TRPC7: variants seen among roughly 807,000 people sequenced by gnomAD.
The protein encoded by TRPC7 is short transient receptor potential channel 7.
Under a neutral mutation model 90.1 loss-of-function variants are expected in TRPC7, and 42 were observed. The ratio of observed to expected loss-of-function variants is 0.47; its 90% confidence interval spans 0.36 to 0.60. The LOEUF is 0.60. Among genes scored for constraint, TRPC7 ranks in the 20% least tolerant of loss-of-function variants. The pLI, the probability that TRPC7 is intolerant of heterozygous loss-of-function variation, is 0.00. For missense variants in TRPC7, 955 were observed against 1,112.3 expected (o/e 0.86, Z 2.01); for synonymous variants, 451 against 436.3 (o/e 1.03, Z -0.42).
chr5:136,322,217 G>A (rs1015094789), intron 2 of TRPC7, among the ~76,000 whole-genome samples: 1 of 152,102 alleles, frequency 6.6e-6, no homozygotes, highest in African/African-American at 2.4e-5. Flanking sequence ...GTTTCACCAT[G>A]TTGGTCAGGC....
intron 2 of TRPC7, among the ~76,000 whole-genome samples, chr5:136,325,429 C>T (rs1284564304): frequency 1.3e-5 from 2 of 152,174 alleles, no homozygotes; most frequent in Non-Finnish European, 2.9e-5. Flanking sequence ...TCCCTCTCTC[C>T]TTCCTTCCTC....
rs1756367884 is a variant in TRPC7 at position 136,247,208 on chromosome 5, A to T, written c.1844+263T>A. Among the ~76,000 whole-genome samples, 1 of 146,922 alleles carries T rather than the reference A, an allele frequency of 6.8e-6. No homozygotes were observed. The highest frequency in any genetic ancestry group is 2.5e-5 in the African/African-American group (1 of 39,218). On this transcript the variant is annotated intron_variant, in intron 7 of 11. Coordinates refer to ENST00000513104, the MANE Select transcript of TRPC7 (RefSeq NM_020389.3). This position sits in a 1 kb window ranked among gnomAD's most constrained non-coding sequence, Gnocchi z 4.2. ...GAGAATGTCAAATCCTAGAAAACGT[A>T]GCATTCCTACATGTGATTTTTTTTT... is the stretch of plus-strand genomic sequence containing the variant.
intron 2 of TRPC7, among the ~76,000 whole-genome samples, chr5:136,349,126 A>C (rs1760105953): frequency 8.5e-6 from 1 of 117,288 alleles, no homozygotes; most frequent in African/African-American, 2.8e-5. Flanking sequence ...CTGCCTGCCC[A>C]TTTCCTCCTC....
At chr5:136,290,745 C>A (rs1218905459) in intron 3 of TRPC7, among the ~76,000 whole-genome samples, 4 of 152,128 alleles carry the variant, frequency 2.6e-5, no homozygotes, top group South Asian at 4.1e-4. Flanking sequence ...GAACTTCCCC[C>A]ATCTAGCAAG....
At chr5:136,246,521 G>T (rs945436082) in intron 7 of TRPC7, among the ~76,000 whole-genome samples, 1 of 152,124 alleles carries the variant, frequency 6.6e-6, no homozygotes, top group Non-Finnish European at 1.5e-5. Context: ...CCCTGGAGAG[G>T]TCCATCATGC....
rs750058935 is a variant in TRPC7 at position 136,213,459 on chromosome 5, C to G, written c.2565G>C (p.Arg855Ser). The change falls in exon 12 of 12, where the codon AGG becomes AGC. Residue 855 changes from arginine (R) to serine (S), a missense_variant. Transcript: ENST00000513104. The stretch of plus-strand genomic sequence containing the variant: ...GCTAAATGTCTTTGCCCTTGTTCAC[C>G]CTCAGGTGGTCTTTGTTTAAGTTCT... ...FGKNLNKDHL[R>S]VNKGKDI 1 of 1,613,992 alleles carries G rather than the reference C, an allele frequency of 6.2e-7. No individual in the cohort carries two copies. The highest frequency in any genetic ancestry group is 8.5e-7 in the Non-Finnish European group (1 of 1,179,900).
intron 3 of TRPC7, among the ~76,000 whole-genome samples, chr5:136,307,340 TC>T (rs1287604524): frequency 6.6e-6 from 1 of 152,152 alleles, no homozygotes; most frequent in Non-Finnish European, 1.5e-5. Context: ...ACTCTCTACT[TC>T]CATGAGTTCA....
chr5:136,339,708 C>T (rs1486103064), intron 2 of TRPC7, among the ~76,000 whole-genome samples: 1 of 152,052 alleles, frequency 6.6e-6, no homozygotes, highest in Admixed American at 6.6e-5. Context: ...ATCAGCAGTA[C>T]CCATTCTCTA....
In TRPC7 at chr5:136,230,603, G is replaced by A. The variant is rs137910632; in HGVS notation, c.2040+751C>T. 2.2e-4 allele frequency among the ~76,000 whole-genome samples: 33 copies of A among 152,194 alleles called. 1 individual carries two copies. In the Middle Eastern group the frequency reaches 0.017, roughly 78 times the overall value. ...CAGCATCCCATTTTTCAGATGCATCGTAGTCTATTTAATTAGATTCCTATT... is the reference window on the plus strand; with the variant it reads ...CAGCATCCCATTTTTCAGATGCATCATAGTCTATTTAATTAGATTCCTATT... On this transcript the variant is annotated intron_variant, in intron 8 of 11. Transcript: ENST00000513104.
rs2149861404 is a variant in TRPC7, at chr5:136,356,621, T to C, written c.767A>G (p.Glu256Gly). Residue 256 changes from glutamate to glycine, a missense_variant, in exon 2 of 12, where the codon GAG (glutamate) becomes GGG (glycine). By Grantham distance (98) the Glu-to-Gly change is moderately conservative (BLOSUM62 -2). Transcript: ENST00000513104. ...TGGAAGAGTTACCTTAAATTCAGTC[T>C]CAATGTTGGCTAGTCTGGCTAACTC... is the stretch of plus-strand genomic sequence containing the variant. ...SNELARLANI[E>G]TEFKNDYRKL... 1 of 1,533,952 alleles carries C rather than the reference T, an allele frequency of 6.5e-7. No individual in the cohort carries two copies. The highest frequency in any genetic ancestry group is 1.3e-5 in the South Asian group (1 of 78,546).
intron 3 of TRPC7, among the ~76,000 whole-genome samples, chr5:136,298,415 T>C (rs1334459642): frequency 1.3e-5 from 2 of 152,194 alleles, no homozygotes; most frequent in Non-Finnish European, 2.9e-5. Flanking sequence ...CAGCACTTTG[T>C]AGGCCATTGT....
chr5:136,362,650 T>C (rs959288524), intron 1 of TRPC7, among the ~76,000 whole-genome samples: 5 of 152,190 alleles, frequency 3.3e-5, no homozygotes, highest in Admixed American at 3.3e-4. Context: ...ACACAATGTG[T>C]CAGTGGTGGA....
chr5:136,251,071 A>C (rs1756502724), intron 6 of TRPC7, among the ~76,000 whole-genome samples: 2 of 152,236 alleles, frequency 1.3e-5, no homozygotes, highest in African/African-American at 4.8e-5. Context: ...CCTGGCACAT[A>C]GTAGGTTCTC....
chr5:136,351,867 A>T (rs1760203665), intron 2 of TRPC7, among the ~76,000 whole-genome samples: 1 of 152,238 alleles, frequency 6.6e-6, no homozygotes, highest in African/African-American at 2.4e-5. Context: ...TACATAATTC[A>T]TCAGCTATTT....
chr5:136,212,901 T>G lies in TRPC7; in HGVS notation c.*534A>C, dbSNP rs1755138286. On this transcript the variant is annotated 3_prime_UTR_variant, in exon 12 of 12. Transcript: ENST00000513104. ...TTTCAATTTAGGATTTTTAAACTTT[T>G]TTTTTATATAAACAAATAGAACTAT... 1.3e-5 allele frequency among the ~76,000 whole-genome samples: 2 copies of G among 152,246 alleles called. No individual in the cohort carries two copies. Among genetic ancestry groups the G allele is most frequent in the African/African-American group, 4.8e-5 (2 of 41,468 alleles).
intron 2 of TRPC7, among the ~76,000 whole-genome samples, chr5:136,340,525 T>C (rs1759813637): frequency 1.3e-5 from 2 of 152,302 alleles, no homozygotes; most frequent in African/African-American, 2.4e-5. Flanking sequence ...ATATAATGTA[T>C]ACACATATGA....
chr5:136,268,171 G>A (rs949240952), intron 4 of TRPC7, among the ~76,000 whole-genome samples: 3 of 152,176 alleles, frequency 2.0e-5, no homozygotes, highest in African/African-American at 7.2e-5. Context: ...TTAGCATCTT[G>A]GAGCCCCATT....
chr5:136,322,628 C>T (rs955902167), intron 2 of TRPC7, among the ~76,000 whole-genome samples: 5 of 152,130 alleles, frequency 3.3e-5, no homozygotes, highest in Non-Finnish European at 5.9e-5. Context: ...CTCAGTCTCC[C>T]GAGTAGCTGG....
At chr5:136,360,482 A>G (rs966508561) in intron 1 of TRPC7, among the ~76,000 whole-genome samples, 1 of 152,136 alleles carries the variant, frequency 6.6e-6, no homozygotes, top group Non-Finnish European at 1.5e-5. Flanking sequence ...ATCAAAAAAA[A>G]TATGTGTATA....
Sources: allele counts gnomAD v4.1 joint callset (sites outside exome capture counted in the v4.1 genomes callset), GRCh38; gene constraint gnomAD v4.1.1; non-coding constraint Gnocchi (gnomAD v3.1); transcripts MANE v1.5; gene names NCBI Gene and HGNC (gene_info 2026-07-23, HGNC 2026-07-21).